The following PFKFB3 variants were observed in gnomAD, a reference collection of about 807,000 sequenced individuals.
The protein encoded by PFKFB3 is 6-phosphofructo-2-kinase/fructose-2,6-bisphosphatase 3.
Under a neutral mutation model 68.0 loss-of-function variants are expected in PFKFB3, and 33 were observed. The observed-to-expected ratio is 0.49, with a 90% CI of 0.37 to 0.65. The LOEUF (loss-of-function observed/expected upper bound fraction) is 0.65, where lower values mean the gene tolerates loss of function less well. Ranked by LOEUF, PFKFB3 falls within the 30% of genes least tolerant of loss-of-function variation. PFKFB3 has a pLI of 0.00. For synonymous variants in PFKFB3, 315 were observed against 288.2 expected (o/e 1.09, Z -0.94); for missense variants, 586 against 712.2 (o/e 0.82, Z 2.02).
downstream of PFKFB3, among the ~76,000 whole-genome samples, chr10:6,257,068 A>G (rs574619141): frequency 6.6e-6 from 1 of 152,250 alleles, no homozygotes; most frequent in Non-Finnish European, 1.5e-5. Flanking sequence ...TTTTGCTTTC[A>G]CTGTCCTCAC....
intron 1 of PFKFB3, among the ~76,000 whole-genome samples, chr10:6,164,358 T>A (rs886417446): frequency 6.6e-6 from 1 of 151,186 alleles, no homozygotes; most frequent in Admixed American, 6.6e-5. Context: ...TTGGGGAGAG[T>A]GAGTGAGCGG....
chr10:6,307,765 C>T, the PFKFB3 span, among the ~76,000 whole-genome samples: 249 of 152,200 alleles, frequency 1.6e-3, 1 homozygote, highest in Non-Finnish European at 3.0e-3. Flanking sequence ...TGAGGAGTGC[C>T]GGGGTTTGAA....
chr10:6,234,569 C>T lies in PFKFB3; in HGVS notation c.*1627C>T, dbSNP rs773887335. 4 of 152,266 alleles carry T rather than the reference C, an allele frequency of 2.6e-5. No individual in the cohort carries two copies. Among genetic ancestry groups the T allele is most frequent in the South Asian group, 4.1e-4 (2 of 4,828 alleles). The allele number at this position is 152,266 out of a possible 1,614,324, so 9.4% of individuals were successfully genotyped here. A position where few individuals can be genotyped will look rare whatever the true frequency, so the allele number is the denominator to read the frequency against. The stretch of plus-strand genomic sequence containing the variant: ...GTCTGCTGGAGAGGATGTCTCTGTC[C>T]GCATTCCCGTGCAGCTCCAGGCTCG... On this transcript the variant is annotated 3_prime_UTR_variant, in exon 15 of 15. Transcript: ENST00000379775.
At chr10:6,288,833 G>T in the PFKFB3 span, among the ~76,000 whole-genome samples, 1 of 152,090 alleles carries the variant, frequency 6.6e-6, no homozygotes, top group African/African-American at 2.4e-5. Flanking sequence ...GTGTAAAAGT[G>T]TTCCTATTTC....
At chr10:6,187,932 ATT>A (rs1842914600) in intron 1 of PFKFB3, among the ~76,000 whole-genome samples, 1 of 141,562 alleles carries the variant, frequency 7.1e-6, no homozygotes, top group African/African-American at 2.9e-5. Flanking sequence ...CTCCTCTATC[ATT>A]CTCTCCCTCT....
intron 14 of PFKFB3, among the ~76,000 whole-genome samples, chr10:6,245,040 A>G (rs1846224436): frequency 6.6e-6 from 1 of 152,196 alleles, no homozygotes; most frequent in Admixed American, 6.5e-5. Context: ...CACAGAGGGA[A>G]AGCGAGGTCA....
the PFKFB3 span, among the ~76,000 whole-genome samples, chr10:6,299,573 C>T: frequency 6.6e-6 from 1 of 152,130 alleles, no homozygotes; most frequent in Non-Finnish European, 1.5e-5. Context: ...CTGTTAAGAC[C>T]GATAAAGGGT....
chr10:6,302,072 T>TG, the PFKFB3 span, among the ~76,000 whole-genome samples: 2 of 151,622 alleles, frequency 1.3e-5, no homozygotes, highest in Admixed American at 6.6e-5. Flanking sequence ...TTTTTTTTTT[T>TG]GAAACAGAGT....
At position 6,215,108 on chromosome 10, in the gene PFKFB3, A is replaced by G; in HGVS notation, c.203-113A>G. The G allele has an allele frequency of 2.5e-6, 2 of 800,882 alleles. No individual in the cohort carries two copies. Among genetic ancestry groups the G allele is most frequent in the Non-Finnish European group, 4.2e-6 (2 of 474,124 alleles). The allele number at this position is 800,882 out of a possible 1,614,324, so 49.6% of individuals were successfully genotyped here. ...GCATTGCTTCCACACCATCTCATTC[A>G]AGTCGGTGTGGTTGGCCTGGTGGCT... On this transcript the variant is annotated intron_variant, in intron 2 of 14. Coordinates refer to ENST00000379775, the MANE Select transcript of PFKFB3 (RefSeq NM_004566.4). This position sits in a 1 kb window ranked among gnomAD's most constrained non-coding sequence, Gnocchi z 4.3.
At chr10:6,273,364 G>A in the PFKFB3 span, among the ~76,000 whole-genome samples, 1 of 152,126 alleles carries the variant, frequency 6.6e-6, no homozygotes, top group African/African-American at 2.4e-5. Context: ...CCACCCGTGG[G>A]TGAAAAGCGT....
intron 1 of PFKFB3, among the ~76,000 whole-genome samples, chr10:6,208,856 C>T (rs756858220): frequency 6.6e-6 from 1 of 152,186 alleles, no homozygotes; most frequent in Non-Finnish European, 1.5e-5. Context: ...GTCACTGTAT[C>T]CCACGGCTGA....
the PFKFB3 span, among the ~76,000 whole-genome samples, chr10:6,303,510 C>T: frequency 2.2e-4 from 33 of 152,170 alleles, no homozygotes; most frequent in East Asian, 6.4e-3. Flanking sequence ...TTTATTTACT[C>T]TTGATGAAAA....
chr10:6,146,211 A>C (rs1478431115), intron 1 of PFKFB3: 5 of 1,427,090 alleles, frequency 3.5e-6, no homozygotes, highest in Admixed American at 2.7e-5. Context: ...GCACCCACCC[A>C]TCTGCCTCTC....
intron 1 of PFKFB3, chr10:6,197,767 G>C (rs1843213903): frequency 6.6e-6 from 1 of 152,208 alleles, no homozygotes; most frequent in Admixed American, 6.6e-5. Flanking sequence ...TGTCTCAGGG[G>C]TGGCAGAGGC....
At position 6,229,327 on chromosome 10, in the gene PFKFB3, C is replaced by A. The variant is rs1188430732; in HGVS notation, c.1515+2962C>A. The A allele has an allele frequency of 2.8e-6, 1 of 360,496 alleles. No individual in the cohort carries two copies. The highest frequency in any genetic ancestry group is 3.4e-5 in the Admixed American group (1 of 29,384). 22.3% of individuals were successfully genotyped at this position (360,496 alleles called of 1,614,324 possible). On this transcript the variant is annotated intron_variant, in intron 14 of 14. Transcript: ENST00000379775. The surrounding 1 kb of genome is among the most constrained non-coding windows in gnomAD (Gnocchi z 4.3). ...GTTTAATGGTTGAGGGGCTGAGTGA[C>A]CGGCCCGTGCTTCCAGCAGGTGAGC...
At chr10:6,275,895 G>A in the PFKFB3 span, among the ~76,000 whole-genome samples, 1 of 152,112 alleles carries the variant, frequency 6.6e-6, no homozygotes, top group Non-Finnish European at 1.5e-5. This position sits in a 1 kb window ranked among gnomAD's most constrained non-coding sequence, Gnocchi z 4.9. Context: ...CTTTCTCCAT[G>A]TGGAGGGTGG....
chr10:6,279,761 GACC>G, the PFKFB3 span, among the ~76,000 whole-genome samples: 1 of 152,176 alleles, frequency 6.6e-6, no homozygotes, highest in Non-Finnish European at 1.5e-5. Context: ...ATTTGACAAA[GACC>G]AGTGCTATTT....
At chr10:6,262,411 C>A in the PFKFB3 span, among the ~76,000 whole-genome samples, 2 of 136,252 alleles carry the variant, frequency 1.5e-5, no homozygotes, top group Non-Finnish European at 3.0e-5. Flanking sequence ...GCAGAGATCA[C>A]ACCACTGCAC....
At position 6,209,852 on chromosome 10, in the gene PFKFB3, C is replaced by T. The variant is rs184835208; in HGVS notation, c.77-3771C>T. Among the ~76,000 whole-genome samples, 604 of 150,860 alleles carry T rather than the reference C, an allele frequency of 4.0e-3. 12 individuals carry two copies. The East Asian group carries it at 0.046, about 11-fold the overall frequency. On this transcript the variant is annotated intron_variant, in intron 1 of 14. Coordinates refer to ENST00000379775, the MANE Select transcript of PFKFB3 (RefSeq NM_004566.4). ...TGACCTTGGCTCACTGCAAGCTGCG[C>T]CTCCCAGGTTCACGCCATTCTCCTG...
Sources: gnomAD v4.1 joint callset for allele counts (sites outside exome capture counted in the v4.1 genomes callset) on GRCh38, gnomAD v4.1.1 for gene constraint, Gnocchi (gnomAD v3.1) non-coding constraint, MANE v1.5 for transcripts, NCBI Gene and HGNC (gene_info 2026-07-23, HGNC 2026-07-21) for gene names.